NCKAP1L: variants seen among roughly 807,000 people sequenced by gnomAD.
NCKAP1L encodes the protein NCK associated protein 1 like.
In NCKAP1L, 53 loss-of-function variants were observed where a neutral mutation model predicts 139.2. The observed-to-expected ratio is 0.38, with a 90% CI of 0.31 to 0.48. The LOEUF (loss-of-function observed/expected upper bound fraction) is 0.48. Ranked by LOEUF, NCKAP1L falls within the 20% of genes least tolerant of loss-of-function variation. The probability of loss-of-function intolerance (pLI) is 0.98; values close to 1 mark genes in which losing one functional copy is unlikely to be tolerated. For synonymous variants in NCKAP1L, 468 were observed against 499.7 expected (o/e 0.94, Z 0.85); for missense variants, 1,151 against 1,381.9 (o/e 0.83, Z 2.65).
intron 16 of NCKAP1L, 118 bp downstream of exon 16, chr12:54,519,450 T>TA: frequency 8.6e-6 from 7 of 814,644 alleles, no homozygotes; most frequent in Non-Finnish European, 1.2e-5. Flanking sequence ...TTTTTTTTTT[T>TA]AAAGAGACAG....
At chr12:54,517,731 C>T in intron 12 of NCKAP1L, 75 bp from the exon 13 acceptor site, 1 of 1,598,254 alleles carries the variant, frequency 6.3e-7, no homozygotes, top group Non-Finnish European at 8.6e-7. Context: ...TCAATTTCTG[C>T]CCTGATATCA....
At chr12:54,540,587 G>A (rs992743174) in intron 30 of NCKAP1L, among the ~76,000 whole-genome samples, 4 of 152,224 alleles carry the variant, frequency 2.6e-5, no homozygotes, top group Admixed American at 6.5e-5. Context: ...GTTAGAATCC[G>A]TAAGGTATTA....
intron 28 of NCKAP1L, chr12:54,536,677 A>G: frequency 2.7e-6 from 1 of 370,470 alleles, no homozygotes; most frequent in East Asian, 5.6e-5. Flanking sequence ...AAAAAAAAAG[A>G]AAAGAAAAGG....
intron 7 of NCKAP1L, among the ~76,000 whole-genome samples, chr12:54,510,722 A>C (rs1956881701): frequency 6.8e-6 from 1 of 146,210 alleles, no homozygotes; most frequent in African/African-American, 2.5e-5. Context: ...GGGTTTCACC[A>C]TGTTGGCCAG....
chr12:54,516,761 A>T lies in NCKAP1L; in HGVS notation c.999-135A>T. The T allele has an allele frequency of 8.1e-6, 6 of 741,318 alleles. No homozygotes were observed. In the Admixed American group the frequency reaches 1.1e-4, roughly 14 times the overall value. The allele number at this position is 741,318 out of a possible 1,614,324, so 45.9% of individuals were successfully genotyped here. ...ACTCCTGGCCCTTTTTTCTTTTTTA[A>T]ACCAAGTCTAACTTGAGCATTGAAC... On this transcript the variant is annotated intron_variant, in intron 10 of 30. Coordinates refer to ENST00000293373, the MANE Select transcript of NCKAP1L (RefSeq NM_005337.5).
Position 54,512,121 on chromosome 12 carries a change from G to A in NCKAP1L, c.941+16G>A. 6.2e-7 allele frequency: 1 copy of A among 1,612,758 alleles called. No individual in the cohort carries two copies. The highest frequency in any genetic ancestry group is 8.5e-7 in the Non-Finnish European group (1 of 1,179,404). On this transcript the variant is annotated intron_variant, in intron 9 of 30. Coordinates refer to ENST00000293373, the MANE Select transcript of NCKAP1L (RefSeq NM_005337.5). ...GTTTGAAAGGGTGAGAGACACGAGA[G>A]CCAAACTGATCTTCCTTGAATAGTT...
At chr12:54,510,299 G>A (rs1956876928) in intron 7 of NCKAP1L, 6 of 476,738 alleles carry the variant, frequency 1.3e-5, no homozygotes, top group Non-Finnish European at 1.9e-5. Context: ...AAGCCTAGCA[G>A]CAACTTGATT....
At chr12:54,533,419 C>G (rs531303571) in intron 26 of NCKAP1L, among the ~76,000 whole-genome samples, 2 of 152,162 alleles carry the variant, frequency 1.3e-5, no homozygotes, top group Admixed American at 6.5e-5. Context: ...TCCAGAAAAC[C>G]TCATGAACCA....
intron 30 of NCKAP1L, 61 bp downstream of exon 30, chr12:54,539,034 T>C (rs939181644): frequency 7.0e-6 from 10 of 1,430,182 alleles, no homozygotes; most frequent in Admixed American, 3.4e-5. Flanking sequence ...GGGAGACTTC[T>C]GTTTAGGGTC....
At chr12:54,510,921 T>C (rs1053130484) in intron 7 of NCKAP1L, among the ~76,000 whole-genome samples, 1 of 152,194 alleles carries the variant, frequency 6.6e-6, no homozygotes, top group African/African-American at 2.4e-5. Context: ...CCCAAAGTGC[T>C]GGGATTACAT....
At chr12:54,526,345 C>T (rs961627229) in intron 20 of NCKAP1L, among the ~76,000 whole-genome samples, 183 bp from the exon 21 acceptor site, 70 of 152,120 alleles carry the variant, frequency 4.6e-4, no homozygotes, top group African/African-American at 1.6e-3. Context: ...GTCTCAGTTT[C>T]CTCATCTATA....
chr12:54,509,818 C>A (rs774795811), intron 6 of NCKAP1L, 30 bp from the exon 7 acceptor site: 3 of 1,614,136 alleles, frequency 1.9e-6, no homozygotes, highest in Non-Finnish European at 1.7e-6. Flanking sequence ...TCATGATTGC[C>A]GCTAAGGTTT....
chr12:54,501,183 A>T (rs1565671179), intron 3 of NCKAP1L, among the ~76,000 whole-genome samples: 1 of 152,172 alleles, frequency 6.6e-6, no homozygotes, highest in African/African-American at 2.4e-5. Flanking sequence ...TATTCTAAGT[A>T]CCTTATATAA....
chr12:54,510,135 C>T, intron 7 of NCKAP1L, 150 bp downstream of exon 7: 1 of 1,149,904 alleles, frequency 8.7e-7, no homozygotes, highest in Non-Finnish European at 1.2e-6. Context: ...CTTCTTGTAG[C>T]TAAAAAATCA....
chr12:54,536,247 T>C lies in NCKAP1L; in HGVS notation c.3073+2T>C. ...CCTTTTATAGCATTGAGAAGGATGG[T>C]AAGTAAGGGGTAGGTTTGAGACACC... On this transcript the variant is annotated splice_donor_variant, in intron 28 of 30. Coordinates refer to ENST00000293373, the MANE Select transcript of NCKAP1L (RefSeq NM_005337.5). LOFTEE classifies it high-confidence loss of function. 1 of 1,595,238 alleles carries C rather than the reference T, an allele frequency of 6.3e-7. No homozygotes were observed. Among genetic ancestry groups the C allele is most frequent in the Non-Finnish European group, 8.6e-7 (1 of 1,163,868 alleles).
At chr12:54,532,872 G>A (rs1214905832) in intron 26 of NCKAP1L, among the ~76,000 whole-genome samples, 1 of 152,212 alleles carries the variant, frequency 6.6e-6, no homozygotes, top group Non-Finnish European at 1.5e-5. Flanking sequence ...TAAGAAGTAT[G>A]CTATGGCAGG....
intron 10 of NCKAP1L, 50 bp downstream of exon 10, chr12:54,516,345 T>G (rs1406827322): frequency 3.8e-4 from 585 of 1,530,408 alleles, no homozygotes; most frequent in Non-Finnish European, 4.8e-4. Context: ...TAGGAATCTC[T>G]TCTCACTTTT....
Position 54,520,681 on chromosome 12 carries a change from C to T in NCKAP1L, c.1626-13C>T, listed in dbSNP as rs748017264. Reference sequence around the variant, plus strand: ...ACTAAATCTTGATTTAAAGTCTTCCCGTTTCTCTGCAGCTTTCATCTTCGT... The same window carrying T: ...ACTAAATCTTGATTTAAAGTCTTCCTGTTTCTCTGCAGCTTTCATCTTCGT... On this transcript the variant is annotated splice_polypyrimidine_tract_variant and intron_variant, in intron 16 of 30. Transcript: ENST00000293373. 10 of 1,613,928 alleles carry T rather than the reference C, an allele frequency of 6.2e-6. No homozygotes were observed. The highest frequency in any genetic ancestry group is 1.6e-4 in the Middle Eastern group (1 of 6,082).
intron 30 of NCKAP1L, among the ~76,000 whole-genome samples, chr12:54,540,653 C>T (rs1373479201): frequency 6.6e-6 from 1 of 152,236 alleles, no homozygotes; most frequent in Non-Finnish European, 1.5e-5. Flanking sequence ...TTCCTGCTGT[C>T]TGCAGCTCAT....
Sources: gnomAD v4.1 joint callset for allele counts (sites outside exome capture counted in the v4.1 genomes callset) on GRCh38, gnomAD v4.1.1 for gene constraint, MANE v1.5 for transcripts, NCBI Gene and HGNC (gene_info 2026-07-23, HGNC 2026-07-21) for gene names.